Variants in COX10 observed in about 807,000 individuals in gnomAD.
COX10 encodes protoheme IX farnesyltransferase, mitochondrial.
COX10 carries 27 observed loss-of-function variants against 37.3 expected under a neutral mutation model. The observed-to-expected ratio is 0.72, with a 90% CI of 0.53 to 1.00. COX10 has a LOEUF of 1.00. Among genes scored for constraint, COX10 ranks in the 50% least tolerant of loss-of-function variants. The probability of loss-of-function intolerance (pLI) is 0.00; values close to 1 mark genes in which losing one functional copy is unlikely to be tolerated. For synonymous variants in COX10, 222 were observed against 229.1 expected, an observed-to-expected ratio of 0.97 and a Z score of 0.28; for missense variants, 475 against 563.2, an observed-to-expected ratio of 0.84 and a Z score of 1.59.
intron 3 of COX10, chr17:14,077,309 G>T: frequency 4.3e-6 from 2 of 462,526 alleles, no homozygotes; most frequent in East Asian, 4.1e-5. Flanking sequence ...AAAGTTGAAT[G>T]TTTATCCTGC....
intron 4 of COX10, among the ~76,000 whole-genome samples, chr17:14,108,047 A>T (rs1317420935): frequency 6.6e-6 from 1 of 152,176 alleles, no homozygotes; most frequent in Non-Finnish European, 1.5e-5. Context: ...ATTGCTGTAT[A>T]GTTATTCATT....
intron 5 of COX10, among the ~76,000 whole-genome samples, chr17:14,162,580 T>C (rs1905192157): frequency 6.6e-6 from 1 of 151,908 alleles, no homozygotes; most frequent in Non-Finnish European, 1.5e-5. Flanking sequence ...TCAGCACATG[T>C]TTTACGTTGG....
rs1162450938 is a variant in COX10 at position 14,136,474 on chromosome 17, G to GT, written c.625-23400dup. Among the ~76,000 whole-genome samples the GT allele has an allele frequency of 2.0e-5, 3 of 151,976 alleles. No homozygotes were observed. In the East Asian group the frequency reaches 5.8e-4, roughly 29 times the overall value. ...TAGATGTGCTTTCCATTCATTTCCA[G>GT]TTTGCTCAGACTGACATTTGGCTTG... On this transcript the variant is annotated intron_variant, in intron 4 of 6. Coordinates refer to ENST00000261643, the MANE Select transcript of COX10 (RefSeq NM_001303.4).
chr17:14,167,408 G>A (rs551512247), intron 5 of COX10, among the ~76,000 whole-genome samples: 38 of 152,318 alleles, frequency 2.5e-4, no homozygotes, highest in Middle Eastern at 3.4e-3. Context: ...AGTTTGAGAA[G>A]ACTAACTCCA....
intron 4 of COX10, among the ~76,000 whole-genome samples, chr17:14,140,260 A>C (rs1030820981): frequency 6.6e-6 from 1 of 152,162 alleles, no homozygotes; most frequent in African/African-American, 2.4e-5. Context: ...AGAACAAAAA[A>C]CTATAGACCT....
chr17:14,120,041 A>C lies in COX10; in HGVS notation c.624+17799A>C, dbSNP rs200831776. 1.6e-4 allele frequency among the ~76,000 whole-genome samples: 25 copies of C among 152,288 alleles called. No individual in the cohort carries two copies. In the East Asian group the frequency reaches 4.8e-3, roughly 29 times the overall value. ...AAAAGATATTTAAGAGATAAAATAA[A>C]TGATATTTAGAGGTTGATTAGCAGT... On this transcript the variant is annotated intron_variant, in intron 4 of 6. Coordinates refer to ENST00000261643, the MANE Select transcript of COX10 (RefSeq NM_001303.4).
chr17:14,133,977 GA>G (rs1916522387), intron 4 of COX10, among the ~76,000 whole-genome samples: 1 of 151,480 alleles, frequency 6.6e-6, no homozygotes, highest in East Asian at 1.9e-4. Context: ...TTACTAAGAG[GA>G]ACCCTGGTAT....
chr17:14,078,733 C>T (rs1039255872), intron 3 of COX10, among the ~76,000 whole-genome samples: 2 of 152,150 alleles, frequency 1.3e-5, no homozygotes, highest in East Asian at 1.9e-4. Flanking sequence ...CAAAATATTG[C>T]TTTCGATTTT....
intron 4 of COX10, among the ~76,000 whole-genome samples, chr17:14,105,151 G>A (rs1335335540): frequency 6.6e-6 from 1 of 152,082 alleles, no homozygotes; most frequent in Admixed American, 6.6e-5. Context: ...CTATAATTGG[G>A]ATTATTTTAC....
intron 5 of COX10, among the ~76,000 whole-genome samples, chr17:14,187,150 C>A (rs1906058321): frequency 6.6e-6 from 1 of 151,838 alleles, no homozygotes; most frequent in Admixed American, 6.6e-5. Flanking sequence ...TGCAAACTCT[C>A]TGGAGTACAG....
chr17:14,194,908 A>G (rs1478085084), intron 6 of COX10, among the ~76,000 whole-genome samples: 1 of 152,158 alleles, frequency 6.6e-6, no homozygotes, highest in African/African-American at 2.4e-5. Context: ...CTGGTATAAA[A>G]CAGAGCAGTC....
intron 3 of COX10, among the ~76,000 whole-genome samples, chr17:14,086,927 T>C (rs989384629): frequency 1.3e-5 from 2 of 152,228 alleles, no homozygotes; most frequent in Admixed American, 6.5e-5. Context: ...AAATGTGTTA[T>C]GTAGAGTGCT....
At chr17:14,179,219 G>A (rs914928422) in intron 5 of COX10, 3 of 982,744 alleles carry the variant, frequency 3.1e-6, no homozygotes, top group South Asian at 9.4e-5. Context: ...ACAGAGAGAT[G>A]TAGACACCGT....
intron 3 of COX10, among the ~76,000 whole-genome samples, chr17:14,087,273 T>C (rs1346192254): frequency 6.6e-6 from 1 of 152,222 alleles, no homozygotes; most frequent in Non-Finnish European, 1.5e-5. Context: ...TATTCTTCCA[T>C]GCTACTTTTT....
At chr17:14,091,591 A>G (rs749753903) in intron 3 of COX10, among the ~76,000 whole-genome samples, 19 of 152,212 alleles carry the variant, frequency 1.2e-4, no homozygotes, top group Non-Finnish European at 2.4e-4. Context: ...GATGTAAATC[A>G]TGAGTGAGTA....
intron 5 of COX10, among the ~76,000 whole-genome samples, chr17:14,165,764 A>T (rs1174174681): frequency 6.6e-6 from 1 of 152,260 alleles, no homozygotes; most frequent in Non-Finnish European, 1.5e-5. Context: ...CATGTTGTGA[A>T]TGTAAAGGAC....
chr17:14,084,296 AT>A (rs1477376495), intron 3 of COX10, among the ~76,000 whole-genome samples: 4 of 152,222 alleles, frequency 2.6e-5, no homozygotes, highest in Non-Finnish European at 5.9e-5. Flanking sequence ...TTATAGTATT[AT>A]TTTTAATTAT....
chr17:14,110,302 T>A (rs1915982287), intron 4 of COX10, among the ~76,000 whole-genome samples: 1 of 152,142 alleles, frequency 6.6e-6, no homozygotes, highest in African/African-American at 2.4e-5. Flanking sequence ...TTCTTCATAT[T>A]TGGATATGTG....
intron 6 of COX10, among the ~76,000 whole-genome samples, chr17:14,204,789 C>T (rs575431583): frequency 1.3e-5 from 2 of 152,158 alleles, no homozygotes; most frequent in East Asian, 3.9e-4. Context: ...TCCTCTGTGG[C>T]TTTCTGTTGC....
Sources: allele counts gnomAD v4.1 joint callset (sites outside exome capture counted in the v4.1 genomes callset), GRCh38; gene constraint gnomAD v4.1.1; transcripts MANE v1.5; gene names NCBI Gene and HGNC (gene_info 2026-07-23, HGNC 2026-07-21).